Variants in DYNC1I1 observed in about 807,000 individuals in gnomAD.
DYNC1I1 encodes dynein cytoplasmic 1 intermediate chain 1, also known as cytoplasmic dynein 1 intermediate chain 1.
Under a neutral mutation model 86.6 loss-of-function variants are expected in DYNC1I1, and 43 were observed. That is an observed-to-expected ratio of 0.50 (90% CI 0.39 to 0.64). The LOEUF is 0.64. Among genes scored for constraint, DYNC1I1 ranks in the 30% least tolerant of loss-of-function variants. The probability of loss-of-function intolerance (pLI) is 0.00; values close to 1 mark genes in which losing one functional copy is unlikely to be tolerated. For missense variants in DYNC1I1, 604 were observed against 788.8 expected, an observed-to-expected ratio of 0.77 and a Z score of 2.81; for synonymous variants, 262 against 283.7, an observed-to-expected ratio of 0.92 and a Z score of 0.77.
intron 16 of DYNC1I1, among the ~76,000 whole-genome samples, chr7:96,095,751 G>C (rs550945334): frequency 1.3e-5 from 2 of 152,018 alleles, no homozygotes; most frequent in Non-Finnish European, 2.9e-5. Context: ...ACCCTTAGTT[G>C]GTTATGGTTT....
At chr7:95,793,929 T>A (rs541460100) in intron 1 of DYNC1I1, among the ~76,000 whole-genome samples, 1 of 152,286 alleles carries the variant, frequency 6.6e-6, no homozygotes, top group Non-Finnish European at 1.5e-5. Flanking sequence ...TCCTTGGGAG[T>A]GCCGCTTGAG....
intron 9 of DYNC1I1, among the ~76,000 whole-genome samples, chr7:95,991,905 AG>A (rs1251344489): frequency 1.3e-5 from 2 of 151,964 alleles, no homozygotes; most frequent in African/African-American, 4.8e-5. Context: ...CTGTCACCCT[AG>A]CTGGAGTGCA....
At chr7:96,016,235 C>G (rs1794399594) in intron 10 of DYNC1I1, among the ~76,000 whole-genome samples, 1 of 151,554 alleles carries the variant, frequency 6.6e-6, no homozygotes, top group Non-Finnish European at 1.5e-5. Context: ...ACTGTCACAG[C>G]TGGCAAAACC....
rs113352674 is a variant in DYNC1I1 at position 95,884,704 on chromosome 7, C to T, written c.490+14706C>T. Among the ~76,000 whole-genome samples, 223 of 150,628 alleles carry T rather than the reference C, an allele frequency of 1.5e-3. 2 individuals carry two copies. Among genetic ancestry groups the T allele is most frequent in the African/African-American group, 5.1e-3 (209 of 40,930 alleles). On this transcript the variant is annotated intron_variant, in intron 6 of 16. Coordinates refer to ENST00000447467, the MANE Select transcript of DYNC1I1 (RefSeq NM_001135556.2). ...ATCCTAGCTCTCAGGGAGGCAGAGG[C>T]GGGAGGATAGCTTGAGCCCAGGAGT...
At chr7:95,937,676 T>C (rs537563630) in intron 6 of DYNC1I1, among the ~76,000 whole-genome samples, 2 of 152,132 alleles carry the variant, frequency 1.3e-5, no homozygotes, top group Admixed American at 6.6e-5. Context: ...CTGAAGTTGT[T>C]AGTGATGAAG....
intron 6 of DYNC1I1, among the ~76,000 whole-genome samples, chr7:95,881,705 G>A (rs999899384): frequency 8.5e-5 from 13 of 152,342 alleles, no homozygotes; most frequent in African/African-American, 3.1e-4. Flanking sequence ...ATAAGATTGA[G>A]CCGATGGCTC....
chr7:95,801,285 C>T (rs1794571949), intron 1 of DYNC1I1, among the ~76,000 whole-genome samples: 1 of 152,144 alleles, frequency 6.6e-6, no homozygotes, highest in South Asian at 2.1e-4. Flanking sequence ...AAAATATTGA[C>T]TCTCCGGCTG....
intron 5 of DYNC1I1, among the ~76,000 whole-genome samples, chr7:95,856,973 C>T (rs191544241): frequency 1.3e-5 from 2 of 151,658 alleles, no homozygotes; most frequent in East Asian, 1.9e-4. Context: ...AGTGAGAATC[C>T]GTCTCAGAAA....
chr7:96,024,801 A>G (rs1472867338), intron 10 of DYNC1I1, among the ~76,000 whole-genome samples: 1 of 152,184 alleles, frequency 6.6e-6, no homozygotes, highest in East Asian at 1.9e-4. Flanking sequence ...TTTACTTTTA[A>G]CCAAATAGAG....
At chr7:96,093,477 A>G (rs1460905632) in intron 16 of DYNC1I1, among the ~76,000 whole-genome samples, 2 of 152,192 alleles carry the variant, frequency 1.3e-5, no homozygotes, top group African/African-American at 2.4e-5. Flanking sequence ...ATGGGATTGT[A>G]TCATATCTAT....
At chr7:96,014,641 C>T (rs1025623719) in intron 10 of DYNC1I1, among the ~76,000 whole-genome samples, 1 of 152,004 alleles carries the variant, frequency 6.6e-6, no homozygotes, top group African/African-American at 2.4e-5. Context: ...GTGTGGGGAA[C>T]TATAAGAAAT....
intron 14 of DYNC1I1, 61 bp from the exon 15 acceptor site, chr7:96,075,996 C>T (rs1477413814): frequency 6.3e-7 from 1 of 1,585,558 alleles, no homozygotes; most frequent in African/African-American, 1.3e-5. Context: ...TAATTAGGCT[C>T]TCTAGACAGC....
intron 10 of DYNC1I1, among the ~76,000 whole-genome samples, chr7:96,026,430 T>TG (rs1562976395): frequency 3.0e-4 from 45 of 151,626 alleles, no homozygotes; most frequent in African/African-American, 1.1e-3. Flanking sequence ...AGGTTTTTTT[T>TG]TGGGGTTTTT....
intron 6 of DYNC1I1, among the ~76,000 whole-genome samples, chr7:95,920,785 A>G (rs1791589386): frequency 1.3e-5 from 2 of 152,182 alleles, no homozygotes; most frequent in Non-Finnish European, 2.9e-5. Flanking sequence ...CACATTTATT[A>G]TTGTCATAGG....
At chr7:96,054,254 A>G (rs868180106) in intron 14 of DYNC1I1, among the ~76,000 whole-genome samples, 9 of 152,038 alleles carry the variant, frequency 5.9e-5, no homozygotes, top group South Asian at 2.1e-4. Context: ...TTCTGTTCCT[A>G]TGTTAGTTTG....
At chr7:95,828,524 T>C (rs1795252439) in intron 5 of DYNC1I1, among the ~76,000 whole-genome samples, 1 of 152,258 alleles carries the variant, frequency 6.6e-6, no homozygotes, top group Admixed American at 6.5e-5. Flanking sequence ...TTGGGTCTTG[T>C]TTCTTTACTT....
chr7:95,852,050 CTT>C (rs1403312466), intron 5 of DYNC1I1, among the ~76,000 whole-genome samples: 1 of 152,156 alleles, frequency 6.6e-6, no homozygotes, highest in African/African-American at 2.4e-5. Flanking sequence ...GTGTCCCTCT[CTT>C]CAGTTTTTTG....
chr7:95,912,242 G>A (rs1207124934), intron 6 of DYNC1I1, among the ~76,000 whole-genome samples: 1 of 152,106 alleles, frequency 6.6e-6, no homozygotes. Context: ...TCACCATGTT[G>A]GCCAGGCTGG....
At chr7:96,101,008 A>T (rs1791127340), downstream of DYNC1I1, among the ~76,000 whole-genome samples, 2 of 152,300 alleles carry the variant, frequency 1.3e-5, no homozygotes, top group South Asian at 4.1e-4. Context: ...TTTGTAGGTC[A>T]GGGCTGATGG....
Sources: allele counts gnomAD v4.1 joint callset (sites outside exome capture counted in the v4.1 genomes callset), GRCh38; gene constraint gnomAD v4.1.1; transcripts MANE v1.5; gene names NCBI Gene and HGNC (gene_info 2026-07-23, HGNC 2026-07-21).